VXN: variants seen among roughly 807,000 people sequenced by gnomAD.
VXN encodes the protein vexin, also known as uncharacterized protein C8orf46.
Under a neutral mutation model 23.1 loss-of-function variants are expected in VXN, and 7 were observed. That is an observed-to-expected ratio of 0.30 (90% CI 0.17 to 0.57). The LOEUF (loss-of-function observed/expected upper bound fraction) is 0.57, where lower values mean the gene tolerates loss of function less well. VXN is among the 20% of genes least tolerant of loss of function. The probability of loss-of-function intolerance (pLI) is 0.91; values close to 1 mark genes in which losing one functional copy is unlikely to be tolerated. For synonymous variants in VXN, 120 were observed against 105.8 expected, an observed-to-expected ratio of 1.13 and a Z score of -0.83; for missense variants, 238 against 272.6, an observed-to-expected ratio of 0.87 and a Z score of 0.89.
chr8:66,501,564 T>C (rs1336831660), intron 2 of VXN, among the ~76,000 whole-genome samples: 1 of 152,198 alleles, frequency 6.6e-6, no homozygotes, highest in African/African-American at 2.4e-5. Flanking sequence ...TTTCAGTCTT[T>C]TGGTCAGGAA....
At chr8:66,514,417 T>C (rs1807861125) in intron 5 of VXN, 1 of 152,192 alleles carries the variant, frequency 6.6e-6, no homozygotes. Context: ...GGGGTTGTGG[T>C]GAGAATTAAT....
At chr8:66,508,767 C>T (rs184327863) in intron 3 of VXN, among the ~76,000 whole-genome samples, 4 of 152,280 alleles carry the variant, frequency 2.6e-5, no homozygotes, top group African/African-American at 4.8e-5. Flanking sequence ...TCTAAAGCCT[C>T]GTTTCCTTGA....
Position 66,517,411 on chromosome 8 carries a change from A to G in VXN, c.*1335A>G, listed in dbSNP as rs1259210164. 5.3e-5 allele frequency: 8 copies of G among 152,328 alleles called. No homozygotes were observed. In the East Asian group the frequency reaches 1.5e-3, roughly 29 times the overall value. The allele number at this position is 152,328 out of a possible 1,614,324, so 9.4% of individuals were successfully genotyped here. ...TTCAAAGAGGTTAAATGATTAGACTAAGGCACCTAACTTATGTGAGTGTCA... is the reference window on the plus strand; with the variant it reads ...TTCAAAGAGGTTAAATGATTAGACTGAGGCACCTAACTTATGTGAGTGTCA... On this transcript the variant is annotated 3_prime_UTR_variant, in exon 6 of 6. Transcript: ENST00000305454.
chr8:66,516,058 C>A lies in VXN; in HGVS notation c.606C>A (p.Ser202Arg). The A allele has an allele frequency of 6.2e-7, 1 of 1,610,740 alleles. No homozygotes were observed. The highest frequency in any genetic ancestry group is 8.5e-7 in the Non-Finnish European group (1 of 1,179,436). Reference protein sequence around the residue: ...KKSEYVGATNSAFEAD With the variant: ...KKSEYVGATNRAFEAD Reference sequence around the variant, plus strand: ...CTGAATATGTGGGAGCCACCAACAGCGCCTTTGAGGCCGACTAAAGGTGAC... The same window carrying A: ...CTGAATATGTGGGAGCCACCAACAGAGCCTTTGAGGCCGACTAAAGGTGAC... Residue 202 changes from serine (S) to arginine (R), a missense_variant, in exon 6 of 6, where the codon AGC becomes AGA. Ser to Arg is a moderately radical substitution (Grantham distance 110). Coordinates refer to ENST00000305454, the MANE Select transcript of VXN (RefSeq NM_152765.4).
rs1356316504 is a variant in VXN, at chr8:66,517,271, A to AGCTATCATCT, written c.*1196_*1205dup. The AGCTATCATCT allele has an allele frequency of 6.6e-6, 1 of 152,240 alleles. No individual in the cohort carries two copies. Among genetic ancestry groups the AGCTATCATCT allele is most frequent in the Non-Finnish European group, 1.5e-5 (1 of 68,034 alleles). The allele number at this position is 152,240 out of a possible 1,614,324, so 9.4% of individuals were successfully genotyped here. Reference sequence around the variant, plus strand: ...TAATAATGATGATAATGATACTTATAGCTATCATCTATTAAATGCCTATGT... The same window carrying AGCTATCATCT: ...TAATAATGATGATAATGATACTTATAGCTATCATCTGCTATCATCTATTAAATGCCTATGT... On this transcript the variant is annotated 3_prime_UTR_variant, in exon 6 of 6. Transcript: ENST00000305454.
At chr8:66,501,828 CT>C (rs1807695504) in intron 2 of VXN, among the ~76,000 whole-genome samples, 1 of 152,180 alleles carries the variant, frequency 6.6e-6, no homozygotes, top group Non-Finnish European at 1.5e-5. Context: ...TCTCTGGTCT[CT>C]TGTGTCCCCA....
At chr8:66,515,600 T>A (rs1211192350) in intron 5 of VXN, among the ~76,000 whole-genome samples, 1 of 151,928 alleles carries the variant, frequency 6.6e-6, no homozygotes, top group African/African-American at 2.4e-5. Context: ...GCTGAAGGGG[T>A]AGGTATGCAG....
intron 1 of VXN, among the ~76,000 whole-genome samples, chr8:66,494,050 G>A (rs1807597715): frequency 6.6e-6 from 1 of 151,970 alleles, no homozygotes; most frequent in African/African-American, 2.4e-5. Context: ...TAGCTAGATA[G>A]AGACTTTCAT....
At chr8:66,509,067 T>A (rs150060809) in intron 3 of VXN, among the ~76,000 whole-genome samples, 1,687 of 152,364 alleles carry the variant, frequency 0.011, 33 homozygotes, top group African/African-American at 0.038. Flanking sequence ...CTCAGCACAG[T>A]GCCTGGCGTA....
intron 2 of VXN, among the ~76,000 whole-genome samples, chr8:66,502,611 G>A (rs1199649543): frequency 6.6e-6 from 1 of 152,048 alleles, no homozygotes; most frequent in Non-Finnish European, 1.5e-5. Flanking sequence ...GCCAGGCGTG[G>A]TGGCAGGCGC....
rs1347142136 is a variant in VXN at position 66,493,572 on chromosome 8, G to T, written c.-77G>T. The T allele has an allele frequency of 8.1e-7, 1 of 1,234,268 alleles. No individual in the cohort carries two copies. The highest frequency in any genetic ancestry group is 1.2e-6 in the Non-Finnish European group (1 of 840,252). The allele number at this position is 1,234,268 out of a possible 1,614,324, so 76.5% of individuals were successfully genotyped here. A position where few individuals can be genotyped will look rare whatever the true frequency, so the allele number is the denominator to read the frequency against. ...GCACAATGATCCCTGAGCCAGACTG[G>T]ATTAGGATGCCTCGCGACTAGGGGT... On this transcript the variant is annotated 5_prime_UTR_variant, in exon 1 of 6. Coordinates refer to ENST00000305454, the MANE Select transcript of VXN (RefSeq NM_152765.4).
chr8:66,496,347 A>G (rs1807626041), intron 1 of VXN, 90 bp from the exon 2 acceptor site: 3 of 1,267,368 alleles, frequency 2.4e-6, no homozygotes, highest in Admixed American at 1.7e-5. Context: ...CTGCCTCGCC[A>G]CAGATTCAAA....
In VXN at chr8:66,493,567, G is replaced by C; in HGVS notation, c.-82G>C. On this transcript the variant is annotated 5_prime_UTR_variant, in exon 1 of 6. Transcript: ENST00000305454. ...GACCCGCACAATGATCCCTGAGCCA[G>C]ACTGGATTAGGATGCCTCGCGACTA... The C allele has an allele frequency of 3.5e-6, 4 of 1,158,348 alleles. No individual in the cohort carries two copies. The highest frequency in any genetic ancestry group is 5.2e-6 in the Non-Finnish European group (4 of 774,696). The allele number at this position is 1,158,348 out of a possible 1,614,324, so 71.8% of individuals were successfully genotyped here.
chr8:66,503,126 A>G (rs1807710172), intron 2 of VXN, among the ~76,000 whole-genome samples: 1 of 152,164 alleles, frequency 6.6e-6, no homozygotes, highest in Admixed American at 6.5e-5. Flanking sequence ...GATTACAGGC[A>G]TAAGCCACTG....
chr8:66,496,066 T>G (rs1169412983), intron 1 of VXN, among the ~76,000 whole-genome samples: 1 of 152,224 alleles, frequency 6.6e-6, no homozygotes, highest in Non-Finnish European at 1.5e-5. Context: ...ATGTGACATT[T>G]TGTGTCCGGC....
intron 4 of VXN, among the ~76,000 whole-genome samples, chr8:66,511,964 G>T (rs1807828809): frequency 6.6e-6 from 1 of 151,896 alleles, no homozygotes; most frequent in African/African-American, 2.4e-5. Context: ...TACTCGGGAG[G>T]CTGAGGCAAG....
chr8:66,515,829 G>C, intron 5 of VXN, 64 bp from the exon 6 acceptor site: 1 of 1,423,288 alleles, frequency 7.0e-7, no homozygotes, highest in Admixed American at 2.4e-5. Flanking sequence ...TCTTCTTAAG[G>C]GCAAAAATGA....
In VXN at chr8:66,505,226, T is replaced by G. The variant is rs1807735904; in HGVS notation, c.127-149T>G. ...TCTGGCCGGTTTCCTGCCCAGATTT[T>G]GTCGCTGTTCCTAGAATTCACTGGA... On this transcript the variant is annotated intron_variant, in intron 2 of 5. Transcript: ENST00000305454. The G allele has an allele frequency of 9.1e-6, 10 of 1,094,204 alleles. No individual in the cohort carries two copies. The East Asian group carries it at 2.6e-4, about 28-fold the overall frequency. 67.8% of individuals were successfully genotyped at this position (1,094,204 alleles called of 1,614,324 possible).
chr8:66,508,654 A>C (rs1057474022), intron 3 of VXN, among the ~76,000 whole-genome samples: 6 of 152,158 alleles, frequency 3.9e-5, no homozygotes, highest in Non-Finnish European at 4.4e-5. Context: ...GCCGGGGTAG[A>C]GGGTTACTCA....
Sources: gnomAD v4.1 joint callset for allele counts (sites outside exome capture counted in the v4.1 genomes callset) on GRCh38, gnomAD v4.1.1 for gene constraint, MANE v1.5 for transcripts, NCBI Gene and HGNC (gene_info 2026-07-23, HGNC 2026-07-21) for gene names.